SMAD5: variants seen among roughly 807,000 people sequenced by gnomAD.
SMAD5 encodes the protein MAD, mothers against decapentaplegic homolog 5.
A neutral mutation model predicts 43.1 loss-of-function variants in SMAD5; 9 were observed. The observed-to-expected ratio is 0.21, with a 90% CI of 0.13 to 0.36. SMAD5 has a LOEUF of 0.36. SMAD5 is among the 10% of genes least tolerant of loss of function. The pLI, the probability that SMAD5 is intolerant of heterozygous loss-of-function variation, is 1.00. For missense variants in SMAD5, 348 were observed against 574.0 expected (o/e 0.61, Z 4.02); for synonymous variants, 190 against 192.4 (o/e 0.99, Z 0.10).
chr5:136,174,192 A>C (rs1332904310), intron 6 of SMAD5, among the ~76,000 whole-genome samples, 184 bp from the exon 7 acceptor site: 2 of 152,174 alleles, frequency 1.3e-5, no homozygotes, highest in African/African-American at 2.4e-5. Context: ...TCTCTTGTAG[A>C]TGCAGGCAGA....
At position 136,139,490 on chromosome 5, in the gene SMAD5, TG is replaced by T. The variant is rs1433068044; in HGVS notation, c.-245+6529del. On this transcript the variant is annotated intron_variant, in intron 1 of 7. Coordinates refer to ENST00000545279, the MANE Select transcript of SMAD5 (RefSeq NM_005903.7). ...ACCTTGGAATCATTGTTAACTCCTT[TG>T]TTCTCATACACCCCATGATCTCCTT... Among the ~76,000 whole-genome samples the T allele has an allele frequency of 1.2e-4, 18 of 152,292 alleles. No individual in the cohort carries two copies. The Middle Eastern group carries it at 0.014, about 115-fold the overall frequency.
intron 4 of SMAD5, among the ~76,000 whole-genome samples, chr5:136,162,500 A>G (rs1214628659): frequency 1.3e-5 from 2 of 152,210 alleles, no homozygotes; most frequent in African/African-American, 2.4e-5. Flanking sequence ...TTAACTTGCT[A>G]TTAGGAATTT....
At chr5:136,175,078 G>A (rs576921922) in intron 7 of SMAD5, among the ~76,000 whole-genome samples, 5 of 152,128 alleles carry the variant, frequency 3.3e-5, no homozygotes, top group African/African-American at 4.8e-5. Flanking sequence ...CTTACATGGC[G>A]GCAGGCAAGA....
At chr5:136,165,373 T>TTTTG (rs912211259) in intron 5 of SMAD5, among the ~76,000 whole-genome samples, 3 of 151,984 alleles carry the variant, frequency 2.0e-5, no homozygotes, top group Non-Finnish European at 2.9e-5. Flanking sequence ...CCCTGTTTTT[T>TTTTG]TTTGTTTGTT....
At chr5:136,169,641 G>A (rs1314016595) in intron 5 of SMAD5, among the ~76,000 whole-genome samples, 1 of 152,178 alleles carries the variant, frequency 6.6e-6, no homozygotes, top group African/African-American at 2.4e-5. Flanking sequence ...TGAATAAGAA[G>A]CATGATTGCC....
At chr5:136,164,203 CAAACAA>C (rs1753919576) in intron 5 of SMAD5, among the ~76,000 whole-genome samples, 1 of 152,080 alleles carries the variant, frequency 6.6e-6, no homozygotes. Context: ...CTCAAAAAAA[CAAACAA>C]AAATCGCATG....
At chr5:136,149,801 C>A (rs892255581) in intron 2 of SMAD5, among the ~76,000 whole-genome samples, 1 of 151,766 alleles carries the variant, frequency 6.6e-6, no homozygotes, top group African/African-American at 2.4e-5. Context: ...ATCAAAAGTG[C>A]TAAGTTTTTT....
chr5:136,163,465 A>AT, intron 5 of SMAD5, 74 bp downstream of exon 5: 1 of 1,220,742 alleles, frequency 8.2e-7, no homozygotes, highest in African/African-American at 1.6e-5. Context: ...TTTTAAAAAC[A>AT]GCTTTATTGA....
intron 1 of SMAD5, among the ~76,000 whole-genome samples, chr5:136,146,890 T>C (rs2149763975): frequency 6.6e-6 from 1 of 151,746 alleles, no homozygotes; most frequent in East Asian, 1.9e-4. Flanking sequence ...AAAAAATCTA[T>C]ATATTCGGGT....
intron 1 of SMAD5, among the ~76,000 whole-genome samples, chr5:136,140,193 T>C (rs1753027385): frequency 1.3e-5 from 2 of 152,102 alleles, no homozygotes; most frequent in African/African-American, 4.8e-5. Context: ...CAGCTAATTT[T>C]TGTATTTTTC....
chr5:136,137,017 A>AT (rs60239443), intron 1 of SMAD5, among the ~76,000 whole-genome samples: 1,241 of 108,950 alleles, frequency 0.011, 13 homozygotes, highest in South Asian at 0.023. Context: ...TTTAGTTTTG[A>AT]TTTTTTTTTT....
chr5:136,139,693 C>G (rs2149759358), intron 1 of SMAD5, among the ~76,000 whole-genome samples: 2 of 152,092 alleles, frequency 1.3e-5, no homozygotes, highest in Middle Eastern at 6.8e-3. Flanking sequence ...ACATACCAGC[C>G]AGGATTTATT....
chr5:136,169,286 T>A (rs1754134303), intron 5 of SMAD5, among the ~76,000 whole-genome samples: 1 of 152,194 alleles, frequency 6.6e-6, no homozygotes, highest in Non-Finnish European at 1.5e-5. Flanking sequence ...GCCTGCCTGC[T>A]TTATCCTAGC....
At chr5:136,136,933 G>A (rs970790452) in intron 1 of SMAD5, among the ~76,000 whole-genome samples, 2 of 152,040 alleles carry the variant, frequency 1.3e-5, no homozygotes, top group Non-Finnish European at 2.9e-5. Flanking sequence ...CTGACCTCAA[G>A]TGATCTGCCC....
chr5:136,177,639 A>T lies in SMAD5; in HGVS notation c.*159A>T. On this transcript the variant is annotated 3_prime_UTR_variant, in exon 8 of 8. Transcript: ENST00000545279. ...TACATTTGTATTTTGTGATGAATCT[A>T]CATTTGTTTGTATTCATGTTCATGT... 1 of 591,630 alleles carries T rather than the reference A, an allele frequency of 1.7e-6. No individual in the cohort carries two copies. The highest frequency in any genetic ancestry group is 2.9e-5 in the East Asian group (1 of 34,888). 36.6% of individuals were successfully genotyped at this position (591,630 alleles called of 1,614,324 possible). A position where few individuals can be genotyped will look rare whatever the true frequency, so the allele number is the denominator to read the frequency against.
Position 136,165,662 on chromosome 5 carries a change from A to ATATTTT in SMAD5, c.775+2272_775+2273insATTTTT, listed in dbSNP as rs1561653930. ...TACTTCATATAAATGGAATCATACA[A>ATATTTT]TTTTTTTTTTTTTTTTTTTTTTTTT... On this transcript the variant is annotated intron_variant, in intron 5 of 7. Coordinates refer to ENST00000545279, the MANE Select transcript of SMAD5 (RefSeq NM_005903.7). Among the ~76,000 whole-genome samples, 40 of 65,450 alleles carry ATATTTT rather than the reference A, an allele frequency of 6.1e-4. 5 individuals are homozygous for ATATTTT. Among genetic ancestry groups the ATATTTT allele is most frequent in the South Asian group, 4.5e-3 (7 of 1,558 alleles). The allele number at this position is 65,450 out of a possible 152,430, so 42.9% of individuals were successfully genotyped here. A position where few individuals can be genotyped will look rare whatever the true frequency, so the allele number is the denominator to read the frequency against.
intron 3 of SMAD5, among the ~76,000 whole-genome samples, chr5:136,157,713 C>T (rs957713163): frequency 2.0e-5 from 3 of 152,078 alleles, no homozygotes; most frequent in Non-Finnish European, 2.9e-5. Flanking sequence ...GGAGTTCAGG[C>T]GGTAGTGAGA....
At chr5:136,175,630 T>C (rs1230368352) in intron 7 of SMAD5, among the ~76,000 whole-genome samples, 1 of 152,210 alleles carries the variant, frequency 6.6e-6, no homozygotes, top group Non-Finnish European at 1.5e-5. Context: ...ATTTAAGCAA[T>C]CTGTACTGTA....
intron 5 of SMAD5, among the ~76,000 whole-genome samples, chr5:136,167,126 C>T (rs563132983): frequency 3.0e-4 from 46 of 152,122 alleles, no homozygotes; most frequent in Non-Finnish European, 4.9e-4. Context: ...TTTCTGGTTC[C>T]TCTTTTCCTT....
Sources: gnomAD v4.1 joint callset for allele counts (sites outside exome capture counted in the v4.1 genomes callset) on GRCh38, gnomAD v4.1.1 for gene constraint, MANE v1.5 for transcripts, NCBI Gene and HGNC (gene_info 2026-07-23, HGNC 2026-07-21) for gene names.